Variants in BCL2L13 observed in about 807,000 individuals in gnomAD.
BCL2L13 encodes BCL2 like 13, also known as bcl-2-like protein 13.
Under a neutral mutation model 25.8 loss-of-function variants are expected in BCL2L13, and 13 were observed. The ratio of observed to expected loss-of-function variants is 0.50; its 90% CI spans 0.33 to 0.80. The LOEUF is 0.80. Among genes scored for constraint, BCL2L13 ranks in the 30% least tolerant of loss-of-function variants. The probability of loss-of-function intolerance (pLI) is 0.02; values close to 1 mark genes in which losing one functional copy is unlikely to be tolerated. For missense variants in BCL2L13, 504 were observed against 574.9 expected (o/e 0.88, Z 1.26); for synonymous variants, 244 against 230.3 (o/e 1.06, Z -0.54).
At chr22:17,713,507 G>T (rs1356295753) in intron 6 of BCL2L13, among the ~76,000 whole-genome samples, 1 of 148,836 alleles carries the variant, frequency 6.7e-6, no homozygotes, top group Non-Finnish European at 1.5e-5. Flanking sequence ...TGTCGCCCAG[G>T]CAGGAGTGCT....
At chr22:17,706,786 T>C (rs768347219) in intron 6 of BCL2L13, 1 of 1,352,014 alleles carries the variant, frequency 7.4e-7, no homozygotes. Context: ...ACGTTAGAAG[T>C]CTGTCTGTCT....
chr22:17,630,586 C>CTTTTTTTT (rs34181282), intron 1 of BCL2L13, among the ~76,000 whole-genome samples: 3 of 126,260 alleles, frequency 2.4e-5, no homozygotes, highest in African/African-American at 7.1e-5. Context: ...CCTTCTTTTT[C>CTTTTTTTT]TTTTCTTTTT....
intron 2 of BCL2L13, among the ~76,000 whole-genome samples, chr22:17,676,381 T>C (rs2059577286): frequency 6.6e-6 from 1 of 152,142 alleles, no homozygotes; most frequent in African/African-American, 2.4e-5. Context: ...GAGAATTGCT[T>C]GAACCCAGGA....
rs890631679 is a variant in BCL2L13, at chr22:17,656,335, C to CTTTTTTTTTT, written c.121+527_121+536dup. 9.2e-3 allele frequency among the ~76,000 whole-genome samples: 535 copies of CTTTTTTTTTT among 57,904 alleles called. 46 individuals are homozygous for CTTTTTTTTTT. Among genetic ancestry groups the CTTTTTTTTTT allele is most frequent in the East Asian group, 0.018 (21 of 1,142 alleles). 38.0% of individuals were successfully genotyped at this position (57,904 alleles called of 152,430 possible). A position where few individuals can be genotyped will look rare whatever the true frequency, so the allele number is the denominator to read the frequency against. ...CAAAAGTATTTTTTTTCATTTTATT[C>CTTTTTTTTTT]TTTTTTTTTTTTTTTTTTTTTTTTT... On this transcript the variant is annotated intron_variant, in intron 2 of 6. Transcript: ENST00000317582.
intron 1 of BCL2L13, among the ~76,000 whole-genome samples, chr22:17,629,815 T>TCACACACA (rs200829236): frequency 1.7e-5 from 2 of 115,352 alleles, no homozygotes; most frequent in African/African-American, 4.4e-5. Context: ...CACTTTATTT[T>TCACACACA]CATACACACA....
intron 2 of BCL2L13, among the ~76,000 whole-genome samples, chr22:17,666,208 TTTTTA>T (rs565363450): frequency 2.0e-5 from 3 of 151,712 alleles, no homozygotes; most frequent in Non-Finnish European, 4.4e-5. Flanking sequence ...GTATTTTTAT[TTTTTA>T]TTTTTTTAAA....
At chr22:17,707,471 T>C (rs989516292) in intron 6 of BCL2L13, among the ~76,000 whole-genome samples, 8 of 152,168 alleles carry the variant, frequency 5.3e-5, no homozygotes, top group African/African-American at 1.4e-4. Flanking sequence ...AGTTACAAAA[T>C]GTCAGTGGAG....
rs1219974946 is a variant in BCL2L13 at position 17,659,648 on chromosome 22, G to A, written c.121+3816G>A. On this transcript the variant is annotated intron_variant, in intron 2 of 6. Coordinates refer to ENST00000317582, the MANE Select transcript of BCL2L13 (RefSeq NM_015367.4). Reference sequence around the variant, plus strand: ...TGCACTCCAGCCTGGGCGACAGAACGAGACTCCGTCAAAAAACAAAACAAA... The same window carrying A: ...TGCACTCCAGCCTGGGCGACAGAACAAGACTCCGTCAAAAAACAAAACAAA... Among the ~76,000 whole-genome samples the A allele has an allele frequency of 4.2e-5, 6 of 143,982 alleles. 1 individual carries two copies. The highest frequency in any genetic ancestry group is 1.5e-4 in the African/African-American group (6 of 40,426). The allele number at this position is 143,982 out of a possible 152,430, so 94.5% of individuals were successfully genotyped here. A position where few individuals can be genotyped will look rare whatever the true frequency, so the allele number is the denominator to read the frequency against.
At chr22:17,722,664 A>T (rs2401169) in intron 6 of BCL2L13, among the ~76,000 whole-genome samples, 131,191 of 152,156 alleles carry the variant, frequency 0.86, 56,746 homozygotes, top group East Asian at 0.94. Context: ...ATCAGCTTAA[A>T]TTCCTTGGCC....
intron 3 of BCL2L13, among the ~76,000 whole-genome samples, chr22:17,685,476 G>A (rs576827350): frequency 2.0e-4 from 30 of 151,974 alleles, no homozygotes; most frequent in African/African-American, 5.8e-4. Context: ...CACCTGTCTC[G>A]GCCTCCCAGA....
intron 3 of BCL2L13, among the ~76,000 whole-genome samples, chr22:17,685,953 T>C (rs953369906): frequency 7.9e-5 from 12 of 151,422 alleles, no homozygotes; most frequent in Non-Finnish European, 1.5e-5. Flanking sequence ...TGGTAATTTT[T>C]AGTAGAGACG....
At chr22:17,670,451 C>G (rs1035426328) in intron 2 of BCL2L13, among the ~76,000 whole-genome samples, 2 of 150,310 alleles carry the variant, frequency 1.3e-5, no homozygotes, top group African/African-American at 4.9e-5. Context: ...CTTGGCTCAC[C>G]GCAACCTCTG....
chr22:17,710,067 T>TA (rs71201876), intron 6 of BCL2L13, among the ~76,000 whole-genome samples: 4,799 of 91,658 alleles, frequency 0.052, 366 homozygotes, highest in African/African-American at 0.16. Context: ...GACCTTGTCT[T>TA]AAAAAAAAAA....
At chr22:17,698,146 G>A (rs576666931) in intron 5 of BCL2L13, among the ~76,000 whole-genome samples, 5 of 151,012 alleles carry the variant, frequency 3.3e-5, no homozygotes, top group East Asian at 3.9e-4. Context: ...GTCTCGCTTT[G>A]TTGTCCAGGC....
In BCL2L13 at chr22:17,726,660, T is replaced by TTG; in HGVS notation, c.601-15_601-14dup. ...AGTTACCATTCTTTATTATTGACGCTTGTCCTTCGTTTCTAGGGCACTGTG... is the reference window on the plus strand; with the variant it reads ...AGTTACCATTCTTTATTATTGACGCTTGTGTCCTTCGTTTCTAGGGCACTGTG... On this transcript the variant is annotated splice_polypyrimidine_tract_variant and intron_variant, in intron 6 of 6. Coordinates refer to ENST00000317582, the MANE Select transcript of BCL2L13 (RefSeq NM_015367.4). 6.3e-7 allele frequency: 1 copy of TTG among 1,598,698 alleles called. No homozygotes were observed. The highest frequency in any genetic ancestry group is 8.6e-7 in the Non-Finnish European group (1 of 1,169,474).
intron 3 of BCL2L13, among the ~76,000 whole-genome samples, chr22:17,684,059 G>A (rs955339238): frequency 7.3e-5 from 11 of 151,710 alleles, no homozygotes; most frequent in Non-Finnish European, 1.6e-4. Context: ...CATTATTTCC[G>A]GTTTTGTCTT....
intron 6 of BCL2L13, among the ~76,000 whole-genome samples, chr22:17,707,689 G>T (rs903076886): frequency 5.2e-4 from 79 of 152,068 alleles, no homozygotes; most frequent in African/African-American, 1.8e-3. Flanking sequence ...AATGATAGAG[G>T]TTTGTTGGCA....
At position 17,648,120 on chromosome 22, in the gene BCL2L13, C is replaced by CA. The variant is rs547174034; in HGVS notation, c.-50-7529dup. On this transcript the variant is annotated intron_variant, in intron 1 of 6. Coordinates refer to ENST00000317582, the MANE Select transcript of BCL2L13 (RefSeq NM_015367.4). ...ACTCCTGGCGACAGAGACTCTGTCT[C>CA]AAAAAAAAAAAAAGAAATGCAAAAG... Among the ~76,000 whole-genome samples the CA allele has an allele frequency of 2.1e-3, 238 of 114,328 alleles. 5 individuals carry two copies. In the South Asian group the frequency reaches 0.032, roughly 15 times the overall value. The allele number at this position is 114,328 out of a possible 152,430, so 75.0% of individuals were successfully genotyped here.
In BCL2L13 at chr22:17,670,936, A is replaced by C. The variant is rs2059397115; in HGVS notation, c.122-12278A>C. On this transcript the variant is annotated intron_variant, in intron 2 of 6. Transcript: ENST00000317582. ...ACGCTAGAACCTGAAAACTGCAATC[A>C]TGATTGGCTGTCTGGAATTTGGTTG... Among the ~76,000 whole-genome samples the C allele has an allele frequency of 2.0e-5, 3 of 152,240 alleles. No homozygotes were observed. The Middle Eastern group carries it at 0.01, about 518-fold the overall frequency.
Sources: allele counts gnomAD v4.1 joint callset (sites outside exome capture counted in the v4.1 genomes callset), GRCh38; gene constraint gnomAD v4.1.1; transcripts MANE v1.5; gene names NCBI Gene and HGNC (gene_info 2026-07-23, HGNC 2026-07-21).